UBXN2A: variants seen among roughly 807,000 people sequenced by gnomAD.
UBXN2A encodes UBX domain-containing protein 2A.
UBXN2A carries 28 observed loss-of-function variants against 28.4 expected under a neutral mutation model. That is an observed-to-expected ratio of 0.99 (90% CI 0.73 to 1.35). UBXN2A has a LOEUF of 1.35. Ranked by LOEUF, UBXN2A falls within the 40% of genes most tolerant of loss-of-function variation. The probability of loss-of-function intolerance (pLI) is 0.00; values close to 1 mark genes in which losing one functional copy is unlikely to be tolerated. For synonymous variants in UBXN2A, 97 were observed against 103.6 expected (o/e 0.94, Z 0.39); for missense variants, 253 against 297.9 (o/e 0.85, Z 1.11).
In UBXN2A at chr2:23,995,451, G is replaced by A. The variant is rs537541927; in HGVS notation, c.585-4221G>A. On this transcript the variant is annotated intron_variant, in intron 6 of 6. Transcript: ENST00000309033. The stretch of plus-strand genomic sequence containing the variant: ...GAAAATGCATTTACCCAGCACTTTG[G>A]GAGGCTGAGGCGGGCGGATCACGAG... 2.6e-5 allele frequency among the ~76,000 whole-genome samples: 4 copies of A among 152,138 alleles called. No homozygotes were observed. In the South Asian group the frequency reaches 8.3e-4, roughly 32 times the overall value.
chr2:23,975,047 T>C (rs1198336476), intron 3 of UBXN2A, among the ~76,000 whole-genome samples: 1 of 151,940 alleles, frequency 6.6e-6, no homozygotes, highest in Non-Finnish European at 1.5e-5. Flanking sequence ...AGGAATTTCC[T>C]AGTGAGATTA....
intron 4 of UBXN2A, among the ~76,000 whole-genome samples, chr2:23,978,225 C>T (rs1707753172): frequency 6.6e-6 from 1 of 152,162 alleles, no homozygotes; most frequent in Non-Finnish European, 1.5e-5. Flanking sequence ...TCTAATACCT[C>T]ATTTTCTTTA....
chr2:23,982,286 G>A (rs1424248751), intron 4 of UBXN2A, among the ~76,000 whole-genome samples: 1 of 151,792 alleles, frequency 6.6e-6, no homozygotes. Flanking sequence ...AGAATGGCGT[G>A]AACCCGGGAG....
At chr2:23,961,969 C>T (rs1308151386) in intron 2 of UBXN2A, among the ~76,000 whole-genome samples, 7 of 151,872 alleles carry the variant, frequency 4.6e-5, no homozygotes, top group Admixed American at 4.6e-4. Flanking sequence ...CTCAGCCTCC[C>T]GAGTAGTTGG....
chr2:23,957,219 G>A (rs1433305402), intron 1 of UBXN2A, among the ~76,000 whole-genome samples: 1 of 151,438 alleles, frequency 6.6e-6, no homozygotes, highest in Non-Finnish European at 1.5e-5. Flanking sequence ...CTGCATCCTT[G>A]AACTCCTGGG....
chr2:23,941,292 T>A (rs1705744673), intron 1 of UBXN2A, among the ~76,000 whole-genome samples: 1 of 152,238 alleles, frequency 6.6e-6, no homozygotes, highest in African/African-American at 2.4e-5. Context: ...CAGAAAATAA[T>A]GTGGTAGTAT....
In UBXN2A at chr2:24,001,485, T is replaced by G. The variant is rs576784431; in HGVS notation, c.*1618T>G. The G allele has an allele frequency of 6.6e-5, 10 of 152,190 alleles. No homozygotes were observed. The South Asian group carries it at 2.1e-3, about 32-fold the overall frequency. The allele number at this position is 152,190 out of a possible 1,614,324, so 9.4% of individuals were successfully genotyped here. Reference sequence around the variant, plus strand: ...TTTTTTTTGCAAATGATCTATTGAATCAGATTTAAAATGAAGCATGCATTG... The same window carrying G: ...TTTTTTTTGCAAATGATCTATTGAAGCAGATTTAAAATGAAGCATGCATTG... On this transcript the variant is annotated 3_prime_UTR_variant, in exon 7 of 7. Transcript: ENST00000309033.
rs564751941 is a variant in UBXN2A at position 24,002,927 on chromosome 2, G to A, written c.*3060G>A. 6.6e-6 allele frequency: 1 copy of A among 152,242 alleles called. No individual in the cohort carries two copies. The highest frequency in any genetic ancestry group is 1.9e-4 in the East Asian group (1 of 5,184). The allele number at this position is 152,242 out of a possible 1,614,324, so 9.4% of individuals were successfully genotyped here. On this transcript the variant is annotated 3_prime_UTR_variant, in exon 7 of 7. Coordinates refer to ENST00000309033, the MANE Select transcript of UBXN2A (RefSeq NM_181713.4). ...ATGCCTTAGTATGATTATGAAAAACGTTTTGACTTCACAGTGCCCTGAATG... is the reference window on the plus strand; with the variant it reads ...ATGCCTTAGTATGATTATGAAAAACATTTTGACTTCACAGTGCCCTGAATG...
At chr2:23,967,817 T>C (rs1707237155) in intron 2 of UBXN2A, among the ~76,000 whole-genome samples, 1 of 152,140 alleles carries the variant, frequency 6.6e-6, no homozygotes, top group Admixed American at 6.6e-5. Context: ...TGTGATGATA[T>C]GGAGTATTTT....
At chr2:23,944,523 A>G (rs906362743) in intron 1 of UBXN2A, among the ~76,000 whole-genome samples, 1 of 152,186 alleles carries the variant, frequency 6.6e-6, no homozygotes, top group African/African-American at 2.4e-5. Flanking sequence ...ATGGTGGAAA[A>G]GGGTCTAGTT....
intron 6 of UBXN2A, among the ~76,000 whole-genome samples, chr2:23,985,334 T>C (rs1209400902): frequency 2.0e-5 from 3 of 151,932 alleles, no homozygotes; most frequent in Non-Finnish European, 4.4e-5. Flanking sequence ...CTGCAACCTC[T>C]GCCTCCCAGC....
chr2:23,997,417 A>C (rs1175886980), intron 6 of UBXN2A, among the ~76,000 whole-genome samples: 5 of 152,194 alleles, frequency 3.3e-5, no homozygotes, highest in Non-Finnish European at 7.3e-5. Flanking sequence ...TCTGGATTTA[A>C]GAATGTCAAC....
At chr2:23,961,473 A>G (rs72798411) in intron 2 of UBXN2A, among the ~76,000 whole-genome samples, 15,526 of 151,904 alleles carry the variant, frequency 0.1, 916 homozygotes, top group Middle Eastern at 0.17. Context: ...TCTTTGTAAC[A>G]AAAGTGGATT....
chr2:23,975,595 T>C (rs932983758), intron 3 of UBXN2A, among the ~76,000 whole-genome samples: 2 of 152,186 alleles, frequency 1.3e-5, no homozygotes, highest in African/African-American at 4.8e-5. Flanking sequence ...AAAAGGCTTA[T>C]GTTAAAAAGC....
chr2:23,935,880 T>C (rs1705510876), upstream of UBXN2A, among the ~76,000 whole-genome samples: 1 of 152,098 alleles, frequency 6.6e-6, no homozygotes, highest in African/African-American at 2.4e-5. Flanking sequence ...CGAAACCCCA[T>C]CTCTACTAAA....
chr2:23,935,351 A>G lies in UBXN2A; in HGVS notation c.-137-4189A>G, dbSNP rs529185111. ...CTGATAAGGGATTACTATCCATAAT[A>G]TGTATTTTTTAAAACGCAAAAACTC... is the stretch of plus-strand genomic sequence containing the variant. On this transcript the variant is annotated intron_variant, in intron 1 of 7. Transcript: ENST00000404924. Among the ~76,000 whole-genome samples, 30 of 152,300 alleles carry G rather than the reference A, an allele frequency of 2.0e-4. No individual in the cohort carries two copies. The South Asian group carries it at 5.8e-3, about 29-fold the overall frequency.
chr2:23,935,769 G>T (rs1057259276), upstream of UBXN2A, among the ~76,000 whole-genome samples: 2 of 152,114 alleles, frequency 1.3e-5, no homozygotes, highest in Non-Finnish European at 2.9e-5. Context: ...AATTGAAAAC[G>T]CCAGGCACGG....
chr2:23,998,945 T>C (rs1469132719), intron 6 of UBXN2A, among the ~76,000 whole-genome samples: 3 of 152,212 alleles, frequency 2.0e-5, no homozygotes, highest in Non-Finnish European at 2.9e-5. Flanking sequence ...GTTTTCTTGC[T>C]TTTTATATTT....
At chr2:23,974,392 C>T (rs1295675050) in intron 3 of UBXN2A, among the ~76,000 whole-genome samples, 8 of 142,866 alleles carry the variant, frequency 5.6e-5, no homozygotes, top group African/African-American at 1.3e-4. Flanking sequence ...GTCGCCCAGG[C>T]TGGAGTGCAG....
Sources: gnomAD v4.1 joint callset for allele counts (sites outside exome capture counted in the v4.1 genomes callset) on GRCh38, gnomAD v4.1.1 for gene constraint, MANE v1.5 for transcripts, NCBI Gene and HGNC (gene_info 2026-07-23, HGNC 2026-07-21) for gene names.